The following PLEKHA6 variants were observed in gnomAD, a reference collection of about 807,000 sequenced individuals.
PLEKHA6 encodes pleckstrin homology domain-containing family A member 6.
PLEKHA6 carries 60 observed loss-of-function variants against 116.7 expected under a neutral mutation model. The ratio of observed to expected loss-of-function variants is 0.51; its 90% CI spans 0.42 to 0.64. The LOEUF (loss-of-function observed/expected upper bound fraction) is 0.64. PLEKHA6 is among the 30% of genes least tolerant of loss of function. PLEKHA6 has a pLI of 0.00. For missense variants in PLEKHA6, 1,338 were observed against 1,422.7 expected (o/e 0.94, Z 0.96); for synonymous variants, 489 against 556.1 (o/e 0.88, Z 1.70).
rs1659746011 is a variant in PLEKHA6, at chr1:204,222,390, A to T, written c.*398T>A. The T allele has an allele frequency of 1.3e-5, 2 of 152,712 alleles. No homozygotes were observed. Among genetic ancestry groups the T allele is most frequent in the Admixed American group, 1.3e-4 (2 of 15,282 alleles). 9.5% of individuals were successfully genotyped at this position (152,712 alleles called of 1,614,324 possible). A position where few individuals can be genotyped will look rare whatever the true frequency, so the allele number is the denominator to read the frequency against. On this transcript the variant is annotated 3_prime_UTR_variant, in exon 23 of 23. Transcript: ENST00000272203. ...TTCACCTCTAGTCCTCACATAAGAT[A>T]GCCACAGGTGTGTTCTCCACCACGG...
At chr1:204,343,678 G>A (rs1382162371) in intron 1 of PLEKHA6, among the ~76,000 whole-genome samples, 1 of 152,182 alleles carries the variant, frequency 6.6e-6, no homozygotes, top group Non-Finnish European at 1.5e-5. Context: ...GATACAAGTT[G>A]AAACTGTCTA....
chr1:204,233,252 G>A lies in PLEKHA6; in HGVS notation c.2410-2666C>T, dbSNP rs73073741. Among the ~76,000 whole-genome samples, 1,017 of 144,704 alleles carry A rather than the reference G, an allele frequency of 7.0e-3. 4 individuals are homozygous for A. Among genetic ancestry groups the A allele is most frequent in the Middle Eastern group, 0.022 (6 of 272 alleles). The allele number at this position is 144,704 out of a possible 152,430, so 94.9% of individuals were successfully genotyped here. A position where few individuals can be genotyped will look rare whatever the true frequency, so the allele number is the denominator to read the frequency against. On this transcript the variant is annotated intron_variant, in intron 17 of 22. Coordinates refer to ENST00000272203, the MANE Select transcript of PLEKHA6 (RefSeq NM_014935.5). ...TGCAGTGGCATGACCACAGTTCACTGCAGCCTCCACCTCCAGGGCTCAGAC... is the reference window on the plus strand; with the variant it reads ...TGCAGTGGCATGACCACAGTTCACTACAGCCTCCACCTCCAGGGCTCAGAC...
chr1:204,234,523 C>A (rs4434894), intron 17 of PLEKHA6, among the ~76,000 whole-genome samples: 78,502 of 151,988 alleles, frequency 0.52, 20,898 homozygotes, highest in African/African-American at 0.66. Context: ...ATTTCATCAA[C>A]GCACATTATG....
At chr1:204,366,954 G>A (rs1033591839) in intron 3 of PLEKHA6, among the ~76,000 whole-genome samples, 2 of 152,180 alleles carry the variant, frequency 1.3e-5, no homozygotes. Context: ...CTAGACTGGG[G>A]CTCCCTCTGG....
chr1:204,231,406 T>C (rs532490882), intron 17 of PLEKHA6, among the ~76,000 whole-genome samples: 11 of 152,142 alleles, frequency 7.2e-5, no homozygotes, highest in Non-Finnish European at 1.2e-4. Flanking sequence ...CCAAAATTCA[T>C]GAATGCTCAA....
intron 1 of PLEKHA6, among the ~76,000 whole-genome samples, chr1:204,321,860 T>A (rs1252858247): frequency 1.3e-5 from 2 of 152,212 alleles, no homozygotes; most frequent in South Asian, 2.1e-4. Flanking sequence ...GCCCCAGTGC[T>A]TAAGGCAGTG....
intron 1 of PLEKHA6, among the ~76,000 whole-genome samples, chr1:204,359,059 A>G (rs1003082895): frequency 6.6e-6 from 1 of 151,870 alleles, no homozygotes; most frequent in African/African-American, 2.4e-5. Flanking sequence ...TCCCATCATT[A>G]TAAATGCCAT....
chr1:204,316,971 A>G (rs2103203797), intron 1 of PLEKHA6, among the ~76,000 whole-genome samples: 1 of 152,282 alleles, frequency 6.6e-6, no homozygotes, highest in South Asian at 2.1e-4. Flanking sequence ...GGCCAATCAC[A>G]TAATCTACCG....
rs574917843 is a variant in PLEKHA6 at position 204,218,966 on chromosome 1, G to A, written c.*3822C>T. 3.3e-5 allele frequency: 5 copies of A among 152,688 alleles called. No homozygotes were observed. The South Asian group carries it at 6.2e-4, about 19-fold the overall frequency. 9.5% of individuals were successfully genotyped at this position (152,688 alleles called of 1,614,324 possible). A position where few individuals can be genotyped will look rare whatever the true frequency, so the allele number is the denominator to read the frequency against. The stretch of plus-strand genomic sequence containing the variant: ...AATCTAAAAAGAATGCTGCTGAAAG[G>A]GGGAAGCAAACTCTCACCTGTTTCA... On this transcript the variant is annotated 3_prime_UTR_variant, in exon 23 of 23. Transcript: ENST00000272203.
chr1:204,327,492 G>T (rs945251946), intron 1 of PLEKHA6, among the ~76,000 whole-genome samples: 2 of 152,254 alleles, frequency 1.3e-5, no homozygotes, highest in Non-Finnish European at 2.9e-5. Context: ...TTGGCCTGCA[G>T]TCTCTGGCCC....
chr1:204,311,731 T>A, intron 1 of PLEKHA6: 1 of 875,602 alleles, frequency 1.1e-6, no homozygotes, highest in Non-Finnish European at 1.4e-6. Flanking sequence ...ATATAATTCC[T>A]TTTCCTACTT....
intron 1 of PLEKHA6, chr1:204,275,019 AC>A: frequency 1.2e-6 from 1 of 847,892 alleles, no homozygotes; most frequent in Non-Finnish European, 1.4e-6. Context: ...AAGCCTGGTC[AC>A]CTCCCACTAG....
intron 1 of PLEKHA6, among the ~76,000 whole-genome samples, chr1:204,293,006 G>A (rs1165192236): frequency 2.6e-5 from 4 of 152,056 alleles, no homozygotes; most frequent in African/African-American, 9.7e-5. Context: ...CCTCCTCCTG[G>A]CATGGAGCCC....
intron 1 of PLEKHA6, among the ~76,000 whole-genome samples, chr1:204,284,137 G>T (rs1263212943): frequency 6.6e-6 from 1 of 152,208 alleles, no homozygotes; most frequent in Non-Finnish European, 1.5e-5. Context: ...CCTCCCTACT[G>T]GCCAGCCAGA....
chr1:204,243,943 C>T (rs2102582035), intron 15 of PLEKHA6, among the ~76,000 whole-genome samples: 1 of 152,226 alleles, frequency 6.6e-6, no homozygotes, highest in Middle Eastern at 3.4e-3. Context: ...GGCTCAGCCT[C>T]CGGAGTAGCT....
intron 5 of PLEKHA6, among the ~76,000 whole-genome samples, chr1:204,265,780 A>G (rs1433340174): frequency 3.9e-5 from 6 of 151,988 alleles, no homozygotes; most frequent in Non-Finnish European, 7.3e-5. Flanking sequence ...CTATGTCTCC[A>G]CAGGAAAAGG....
chr1:204,310,230 G>C (rs1225729583), intron 1 of PLEKHA6, among the ~76,000 whole-genome samples: 3 of 152,106 alleles, frequency 2.0e-5, no homozygotes, highest in African/African-American at 4.8e-5. Flanking sequence ...GATCGAGAGA[G>C]AGACTTTCAC....
At chr1:204,289,293 C>A (rs1669509320) in intron 1 of PLEKHA6, among the ~76,000 whole-genome samples, 1 of 152,116 alleles carries the variant, frequency 6.6e-6, no homozygotes, top group South Asian at 2.1e-4. Flanking sequence ...ATGGGATATA[C>A]AGAGAATACA....
At chr1:204,357,812 C>T (rs1354822532) in intron 1 of PLEKHA6, among the ~76,000 whole-genome samples, 2 of 152,230 alleles carry the variant, frequency 1.3e-5, no homozygotes, top group Non-Finnish European at 2.9e-5. Flanking sequence ...TCCCCTGGGC[C>T]AAGAGAGCTC....
Sources: gnomAD v4.1 joint callset for allele counts (sites outside exome capture counted in the v4.1 genomes callset) on GRCh38, gnomAD v4.1.1 for gene constraint, MANE v1.5 for transcripts, NCBI Gene and HGNC (gene_info 2026-07-23, HGNC 2026-07-21) for gene names.